Variants in TNIP2 observed in about 807,000 individuals in gnomAD.
TNIP2 encodes the protein TNFAIP3-interacting protein 2.
Under a neutral mutation model 43.7 loss-of-function variants are expected in TNIP2, and 30 were observed. That is an observed-to-expected ratio of 0.69 (90% CI 0.51 to 0.93). The LOEUF (loss-of-function observed/expected upper bound fraction) is 0.93, where lower values mean the gene tolerates loss of function less well. Ranked by LOEUF, TNIP2 falls within the 40% of genes least tolerant of loss-of-function variation. The pLI is 0.00. For missense variants in TNIP2, 599 were observed against 591.0 expected (o/e 1.01, Z -0.14); for synonymous variants, 260 against 254.6 (o/e 1.02, Z -0.20).
chr4:2,745,497 AACACTCTGG>A lies in TNIP2; in HGVS notation c.597_605del (p.Gln200_Val202del), dbSNP rs1244106877. On this transcript the variant is annotated inframe_deletion, in exon 3 of 6. Transcript: ENST00000315423. ...GATTTTCTTCCTGCAACTTCTCAAT[AACACTCTGG>A]ACAGAGGTGTGCCCATCTGTGTGTT... The A allele has an allele frequency of 6.2e-7, 1 of 1,613,918 alleles. No individual in the cohort carries two copies. Among genetic ancestry groups the A allele is most frequent in the Non-Finnish European group, 8.5e-7 (1 of 1,179,966 alleles).
chr4:2,750,397 G>T (rs1199589469), intron 1 of TNIP2, among the ~76,000 whole-genome samples: 2 of 145,642 alleles, frequency 1.4e-5, no homozygotes, highest in African/African-American at 5.0e-5. Context: ...CGAGAACCCT[G>T]ATTATTATTA....
In TNIP2 at chr4:2,742,065, A is replaced by G; in HGVS notation, c.*192T>C. The G allele has an allele frequency of 2.2e-6, 1 of 462,238 alleles. No individual in the cohort carries two copies. The highest frequency in any genetic ancestry group is 3.6e-6 in the Non-Finnish European group (1 of 281,688). The allele number at this position is 462,238 out of a possible 1,614,324, so 28.6% of individuals were successfully genotyped here. On this transcript the variant is annotated 3_prime_UTR_variant, in exon 6 of 6. Coordinates refer to ENST00000315423, the MANE Select transcript of TNIP2 (RefSeq NM_024309.4). ...ATCTCCACCTCCAGCCTCCAGCCTC[A>G]CTGGCAGTTCCCTGTGACCCAGCCT...
At position 2,745,541 on chromosome 4, in the gene TNIP2, T is replaced by A; in HGVS notation, c.568-6A>T. 3.1e-6 allele frequency: 5 copies of A among 1,608,296 alleles called. No individual in the cohort carries two copies. Among genetic ancestry groups the A allele is most frequent in the Non-Finnish European group, 4.3e-6 (5 of 1,175,018 alleles). On this transcript the variant is annotated splice_region_variant and splice_polypyrimidine_tract_variant and intron_variant, in intron 2 of 5. Transcript: ENST00000315423. Reference sequence around the variant, plus strand: ...TGCCCATCTGTGTGTTCCGACTGCATGAGGAAGGGACAGAGAGAAGACACT... The same window carrying A: ...TGCCCATCTGTGTGTTCCGACTGCAAGAGGAAGGGACAGAGAGAAGACACT...
intron 1 of TNIP2, among the ~76,000 whole-genome samples, chr4:2,749,428 G>C (rs1722046356): frequency 6.6e-6 from 1 of 152,268 alleles, no homozygotes; most frequent in African/African-American, 2.4e-5. Context: ...GGTCTTTGCA[G>C]ATGTAATTAG....
rs764819083 is a variant in TNIP2, at chr4:2,744,655, A to T, written c.906+42T>A. ...ATGATTTCGGCCACCACCGGCCAGCAGACATCTGGTCAGTGCCGTCCGGAG... is the reference window on the plus strand; with the variant it reads ...ATGATTTCGGCCACCACCGGCCAGCTGACATCTGGTCAGTGCCGTCCGGAG... On this transcript the variant is annotated intron_variant, in intron 4 of 5. Coordinates refer to ENST00000315423, the MANE Select transcript of TNIP2 (RefSeq NM_024309.4). This position sits in a 1 kb window ranked among gnomAD's most constrained non-coding sequence, Gnocchi z 5.1. 1.4e-5 allele frequency: 23 copies of T among 1,586,800 alleles called. No homozygotes were observed. Among genetic ancestry groups the T allele is most frequent in the Non-Finnish European group, 1.9e-5 (22 of 1,170,304 alleles).
Position 2,747,813 on chromosome 4 carries a change from G to C in TNIP2, c.409C>G (p.Arg137Gly). ...CGGCACAGGACGTCACTGGCGGCCCGGGCGCGCTCCCCTTCTGCCATGCTC... is the reference window on the plus strand; with the variant it reads ...CGGCACAGGACGTCACTGGCGGCCCCGGCGCGCTCCCCTTCTGCCATGCTC... ...RRSMAEGERA[R>G]AASDVLCRSL... Residue 137 changes from arginine (R) to glycine (G), a missense_variant, in exon 2 of 6, where the codon CGG becomes GGG. Transcript: ENST00000315423. 1 of 1,613,124 alleles carries C rather than the reference G, an allele frequency of 6.2e-7. No homozygotes were observed. Among genetic ancestry groups the C allele is most frequent in the Non-Finnish European group, 8.5e-7 (1 of 1,180,040 alleles).
intron 2 of TNIP2, 125 bp downstream of exon 2, chr4:2,747,530 G>A: frequency 1.0e-6 from 1 of 955,256 alleles, no homozygotes; most frequent in Non-Finnish European, 1.6e-6. Context: ...CCCGTCAGCT[G>A]ACTCTCGTTA....
chr4:2,754,870 C>T (rs1479992175), intron 1 of TNIP2, among the ~76,000 whole-genome samples: 1 of 152,224 alleles, frequency 6.6e-6, no homozygotes, highest in African/African-American at 2.4e-5. Flanking sequence ...GGAGCACGGG[C>T]ACGTGCCACC....
rs372246338 is a variant in TNIP2, at chr4:2,756,131, G to T, written c.159C>A (p.Ala53=). The part of the protein sequence containing the change: ...ALIARLRARL[A]ALEGDAAPSL... Reference sequence around the variant, plus strand: ...ACGGCGCGGCGTCCCCCTCCAGCGCGGCCAGGCGGGCGCGGAGGCGAGCGA... The same window carrying T: ...ACGGCGCGGCGTCCCCCTCCAGCGCTGCCAGGCGGGCGCGGAGGCGAGCGA... Residue 53 remains alanine (A), a synonymous_variant, in exon 1 of 6, where the codon GCC becomes GCA. Coordinates refer to ENST00000315423, the MANE Select transcript of TNIP2 (RefSeq NM_024309.4). The T allele has an allele frequency of 2.6e-5, 39 of 1,473,816 alleles. No individual in the cohort carries two copies. The African/African-American group carries it at 4.5e-4, about 17-fold the overall frequency. 91.3% of individuals were successfully genotyped at this position (1,473,816 alleles called of 1,614,324 possible).
chr4:2,745,684 G>A (rs1721928615), intron 2 of TNIP2, 149 bp from the exon 3 acceptor site: 1 of 656,942 alleles, frequency 1.5e-6, no homozygotes, highest in East Asian at 2.7e-5. Context: ...GCAAAGCAGG[G>A]ACAAGGGACC....
chr4:2,745,408 C>T, intron 3 of TNIP2, 38 bp downstream of exon 3: 2 of 1,468,174 alleles, frequency 1.4e-6, no homozygotes, highest in Non-Finnish European at 1.9e-6. Flanking sequence ...GTTTGTAAGC[C>T]ATGTGTTCTT....
intron 1 of TNIP2, among the ~76,000 whole-genome samples, chr4:2,755,561 G>A (rs1372577346): frequency 7.2e-6 from 1 of 138,854 alleles, no homozygotes; most frequent in East Asian, 2.2e-4. Context: ...CCAGCACCTG[G>A]TGACGCCTCA....
At chr4:2,747,473 G>C in intron 2 of TNIP2, 182 bp downstream of exon 2, 3 of 676,012 alleles carry the variant, frequency 4.4e-6, no homozygotes, top group Non-Finnish European at 5.0e-6. Context: ...ATTACATTTT[G>C]CATGTTCCAT....
Position 2,742,390 on chromosome 4 carries a change from G to T in TNIP2, c.1157C>A (p.Pro386His), listed in dbSNP as rs553726958. The stretch of plus-strand genomic sequence containing the variant: ...GCCAGGATGCCCGCCCTCTGCAGGG[G>T]GTTCTGGCTGCTGGGACCCAGTCCC... ...RPGTGSQQPE[P>H]PAEGGHPGAA... The change falls in exon 6 of 6, where the codon CCC becomes CAC. Residue 386 changes from proline to histidine, a missense_variant. By Grantham distance (77) the Pro-to-His change is moderately conservative (BLOSUM62 -2). Coordinates refer to ENST00000315423, the MANE Select transcript of TNIP2 (RefSeq NM_024309.4). The T allele has an allele frequency of 4.0e-5, 64 of 1,610,390 alleles. 1 individual carries two copies. In the South Asian group the frequency reaches 6.1e-4, roughly 15 times the overall value.
Position 2,744,134 on chromosome 4 carries a change from G to A in TNIP2, c.1026+253C>T, listed in dbSNP as rs559811859. On this transcript the variant is annotated intron_variant, in intron 5 of 5. Transcript: ENST00000315423. The surrounding 1 kb of genome is among the most constrained non-coding windows in gnomAD (Gnocchi z 5.1). ...TGCATGACAGTGACGGACGGGCCCT[G>A]AGGACAGCCACCTCTGCTAAGACAG... Among the ~76,000 whole-genome samples, 1 of 152,266 alleles carries A rather than the reference G, an allele frequency of 6.6e-6. No homozygotes were observed. The highest frequency in any genetic ancestry group is 2.1e-4 in the South Asian group (1 of 4,818).
In TNIP2 at chr4:2,742,485, A is replaced by G. The variant is rs111770566; in HGVS notation, c.1062T>C (p.Ala354=). 6.2e-7 allele frequency: 1 copy of G among 1,602,750 alleles called. No individual in the cohort carries two copies. The change falls in exon 6 of 6, where the codon GCT becomes GCC. Residue 354 remains alanine, a synonymous_variant. Transcript: ENST00000315423. ...CCAAATACTTGGCAGTTTTGCTCCCAGCGTGAATCCGGCCGGCGTCTGGCT... is the reference window on the plus strand; with the variant it reads ...CCAAATACTTGGCAGTTTTGCTCCCGGCGTGAATCCGGCCGGCGTCTGGCT... ...SREPDAGRIH[A]GSKTAKYLAA...
chr4:2,745,969 G>T (rs1419308883), intron 2 of TNIP2: 5 of 179,678 alleles, frequency 2.8e-5, no homozygotes, highest in Non-Finnish European at 1.2e-5. Context: ...TAAACCAGAG[G>T]ATCTCCAGTG....
rs1396074814 is a variant in TNIP2, at chr4:2,742,120, G to A, written c.*137C>T. On this transcript the variant is annotated 3_prime_UTR_variant, in exon 6 of 6. Transcript: ENST00000315423. The stretch of plus-strand genomic sequence containing the variant: ...CATAGCCAAAGGGACCAAAGTGAAC[G>A]ATCAGAGTGCCCCGCAACTATTCTA... The A allele has an allele frequency of 1.1e-6, 1 of 870,688 alleles. No individual in the cohort carries two copies. Among genetic ancestry groups the A allele is most frequent in the Non-Finnish European group, 1.6e-6 (1 of 634,828 alleles). 53.9% of individuals were successfully genotyped at this position (870,688 alleles called of 1,614,324 possible).
rs375329958 is a variant in TNIP2 at position 2,742,499 on chromosome 4, C to T, written c.1048G>A (p.Gly350Ser). 74 of 1,594,750 alleles carry T rather than the reference C, an allele frequency of 4.6e-5. No homozygotes were observed. The highest frequency in any genetic ancestry group is 1.7e-4 in the Middle Eastern group (1 of 6,000). ...GTTTTGCTCCCAGCGTGAATCCGGCCGGCGTCTGGCTCTCGAGAATCCTGG... is the reference window on the plus strand; with the variant it reads ...GTTTTGCTCCCAGCGTGAATCCGGCTGGCGTCTGGCTCTCGAGAATCCTGG... ...WRQDSREPDA[G>S]RIHAGSKTAK... Residue 350 changes from glycine to serine, a missense_variant, in exon 6 of 6, where the codon GGC becomes AGC. Transcript: ENST00000315423.
Sources: allele counts gnomAD v4.1 joint callset (sites outside exome capture counted in the v4.1 genomes callset), GRCh38; gene constraint gnomAD v4.1.1; non-coding constraint Gnocchi (gnomAD v3.1); transcripts MANE v1.5; gene names NCBI Gene and HGNC (gene_info 2026-07-23, HGNC 2026-07-21).